The following GALNT17 variants were observed in gnomAD, a reference collection of about 807,000 sequenced individuals.
GALNT17 encodes the protein polypeptide N-acetylgalactosaminyltransferase 17.
A neutral mutation model predicts 63.7 loss-of-function variants in GALNT17; 29 were observed. The ratio of observed to expected loss-of-function variants is 0.46; its 90% CI spans 0.34 to 0.62. The LOEUF is 0.62. Ranked by LOEUF, GALNT17 falls within the 20% of genes least tolerant of loss-of-function variation. The pLI is 0.01. For missense variants in GALNT17, 603 were observed against 799.6 expected (o/e 0.75, Z 2.97); for synonymous variants, 305 against 318.3 (o/e 0.96, Z 0.45).
chr7:71,678,786 C>T (rs1215356241), intron 9 of GALNT17, among the ~76,000 whole-genome samples: 1 of 75,668 alleles, frequency 1.3e-5, no homozygotes, highest in Non-Finnish European at 2.6e-5. Flanking sequence ...CAGAGTGAGA[C>T]TCTGTCTCAA....
chr7:71,399,207 C>G (rs1356688316), intron 3 of GALNT17, among the ~76,000 whole-genome samples: 1 of 152,186 alleles, frequency 6.6e-6, no homozygotes, highest in Non-Finnish European at 1.5e-5. Context: ...GCACTCCAGC[C>G]TGGGCAACAG....
chr7:71,564,244 G>A (rs1257873063), intron 5 of GALNT17, among the ~76,000 whole-genome samples: 3 of 150,286 alleles, frequency 2.0e-5, no homozygotes, highest in Non-Finnish European at 3.0e-5. Flanking sequence ...TGATCGTGAC[G>A]GGCAATTTTC....
intron 5 of GALNT17, among the ~76,000 whole-genome samples, chr7:71,460,808 C>G (rs1230717358): frequency 2.0e-5 from 3 of 152,182 alleles, no homozygotes; most frequent in Non-Finnish European, 4.4e-5. Flanking sequence ...GTTGCCATGG[C>G]ATTTGTAAAC....
chr7:71,287,854 C>A (rs1443186878), intron 1 of GALNT17, among the ~76,000 whole-genome samples: 1 of 151,572 alleles, frequency 6.6e-6, no homozygotes, highest in African/African-American at 2.4e-5. Flanking sequence ...GAGTTTGAGA[C>A]CAGCCTGGCC....
intron 7 of GALNT17, among the ~76,000 whole-genome samples, chr7:71,665,816 T>C (rs997310558): frequency 2.6e-5 from 4 of 152,186 alleles, no homozygotes; most frequent in Admixed American, 1.3e-4. Flanking sequence ...TTACAGAGAT[T>C]AGAAGGGTCT....
intron 2 of GALNT17, among the ~76,000 whole-genome samples, chr7:71,384,369 T>A (rs571222966): frequency 1.3e-5 from 2 of 152,138 alleles, no homozygotes; most frequent in Non-Finnish European, 2.9e-5. Context: ...AGAGACGATG[T>A]GAAGATGGGT....
At chr7:71,394,134 G>A (rs1347694940) in intron 3 of GALNT17, among the ~76,000 whole-genome samples, 1 of 152,128 alleles carries the variant, frequency 6.6e-6, no homozygotes, top group Non-Finnish European at 1.5e-5. Flanking sequence ...CAAGAAGCAT[G>A]ATGCCAGCAT....
At chr7:71,693,442 G>T (rs1791492918) in intron 9 of GALNT17, among the ~76,000 whole-genome samples, 1 of 151,630 alleles carries the variant, frequency 6.6e-6, no homozygotes, top group Admixed American at 6.6e-5. Flanking sequence ...AAAATGTGGT[G>T]CATATACATC....
chr7:71,194,493 G>GA (rs1789010207), intron 1 of GALNT17, among the ~76,000 whole-genome samples: 2 of 152,160 alleles, frequency 1.3e-5, no homozygotes, highest in African/African-American at 4.8e-5. Flanking sequence ...GGAGGAGGGA[G>GA]AAGGAATAGG....
chr7:71,588,115 C>T (rs942889089), intron 6 of GALNT17, among the ~76,000 whole-genome samples: 1 of 152,146 alleles, frequency 6.6e-6, no homozygotes, highest in South Asian at 2.1e-4. Flanking sequence ...TAAGCCTTTT[C>T]CATGAACAAA....
intron 1 of GALNT17, among the ~76,000 whole-genome samples, chr7:71,240,635 C>G (rs1156944796): frequency 6.6e-6 from 1 of 151,970 alleles, no homozygotes; most frequent in Non-Finnish European, 1.5e-5. Flanking sequence ...GTCTAGTATT[C>G]CATGGCGTAT....
chr7:71,406,143 T>C (rs1157328257), intron 3 of GALNT17, among the ~76,000 whole-genome samples: 2 of 152,206 alleles, frequency 1.3e-5, no homozygotes, highest in Non-Finnish European at 2.9e-5. Flanking sequence ...TTAGCTGACA[T>C]TTTTAGTGAG....
intron 1 of GALNT17, among the ~76,000 whole-genome samples, chr7:71,310,841 G>A (rs892541643): frequency 2.6e-5 from 4 of 152,184 alleles, no homozygotes; most frequent in South Asian, 4.1e-4. Flanking sequence ...AATGCCACGC[G>A]ATGTTCTGCT....
In GALNT17 at chr7:71,420,973, A is replaced by G. The variant is rs778903809; in HGVS notation, c.830A>G (p.Asn277Ser). The change falls in exon 5 of 11, where the codon AAC (asparagine) becomes AGC (serine). Residue 277 changes from asparagine (N) to serine (S), a missense_variant. By Grantham distance (46) the Asn-to-Ser change is conservative. Around this residue, in one of 3 missense-constraint regions of GALNT17, gnomAD observed 336 missense variants for 507.8 expected, o/e 0.66. Transcript: ENST00000333538. The stretch of plus-strand genomic sequence containing the variant: ...CGTGTGATCCTCCCCTCCATTGACA[A>G]CATCAAACAGGACAACTTTGAGGTG... Reference protein sequence around the residue: ...RKRVILPSIDNIKQDNFEVQR... With the variant: ...RKRVILPSIDSIKQDNFEVQR... 6.2e-7 allele frequency: 1 copy of G among 1,614,072 alleles called. No homozygotes were observed. The highest frequency in any genetic ancestry group is 1.1e-5 in the South Asian group (1 of 91,076).
chr7:71,289,677 C>T (rs1435767256), intron 1 of GALNT17, among the ~76,000 whole-genome samples: 6 of 151,906 alleles, frequency 3.9e-5, no homozygotes, highest in African/African-American at 1.2e-4. Flanking sequence ...GTTGGGAGTT[C>T]GAGACCAGCC....
chr7:71,432,181 A>G (rs1786879233), intron 5 of GALNT17, among the ~76,000 whole-genome samples: 1 of 152,182 alleles, frequency 6.6e-6, no homozygotes, highest in Non-Finnish European at 1.5e-5. Context: ...TCTCAAAAAA[A>G]AAAAATCTGC....
At chr7:71,701,895 ACACATATATATATATACATATATATATG>A (rs1791652977) in intron 9 of GALNT17, among the ~76,000 whole-genome samples, 5 of 119,728 alleles carry the variant, frequency 4.2e-5, no homozygotes, top group African/African-American at 1.4e-4. Context: ...ATATATATAT[ACACATATATATATATACATATATATATG>A]TATATATATA....
chr7:71,474,532 C>T lies in GALNT17; in HGVS notation c.962+53427C>T, dbSNP rs558588272. On this transcript the variant is annotated intron_variant, in intron 5 of 10. Coordinates refer to ENST00000333538, the MANE Select transcript of GALNT17 (RefSeq NM_022479.3). The stretch of plus-strand genomic sequence containing the variant: ...TAACATCCAGAAAGGTAAAATTATG[C>T]CTCAATATAAAATGAAAATGAGGAA... 2.0e-5 allele frequency among the ~76,000 whole-genome samples: 3 copies of T among 152,118 alleles called. No individual in the cohort carries two copies. In the South Asian group the frequency reaches 6.2e-4, roughly 32 times the overall value.
rs537223612 is a variant in GALNT17, at chr7:71,261,194, G to T, written c.239-74356G>T. Among the ~76,000 whole-genome samples, 3 of 152,266 alleles carry T rather than the reference G, an allele frequency of 2.0e-5. No homozygotes were observed. The South Asian group carries it at 6.2e-4, about 32-fold the overall frequency. On this transcript the variant is annotated intron_variant, in intron 1 of 10. Coordinates refer to ENST00000333538, the MANE Select transcript of GALNT17 (RefSeq NM_022479.3). ...CTGGATGGTTCCAACGTGCGGTCAC[G>T]TCTGAGAGTCGCTGCTTGAGATGCA...
Sources: gnomAD v4.1 joint callset for allele counts (sites outside exome capture counted in the v4.1 genomes callset) on GRCh38, gnomAD v4.1.1 for gene constraint, gnomAD v4.1.1 regional missense constraint, MANE v1.5 for transcripts, NCBI Gene and HGNC (gene_info 2026-07-23, HGNC 2026-07-21) for gene names.